The following GPR146 variants were observed in gnomAD, a reference collection of about 807,000 sequenced individuals.
The protein encoded by GPR146 is G protein-coupled receptor 146.
For synonymous variants in GPR146, 203 were observed against 104.3 expected, an observed-to-expected ratio of 1.95 and a Z score of -5.77; for missense variants, 381 against 213.9, an observed-to-expected ratio of 1.78 and a Z score of -4.87.
intron 1 of GPR146, among the ~76,000 whole-genome samples, chr7:1,053,296 A>G (rs1452956892): frequency 1.3e-5 from 2 of 152,230 alleles, no homozygotes; most frequent in African/African-American, 4.8e-5. Flanking sequence ...ACTCGGACGC[A>G]GGTGTGGCGA....
Position 1,057,812 on chromosome 7 carries a change from C to T in GPR146, c.297C>T (p.Gly99=), listed in dbSNP as rs771094513. The stretch of plus-strand genomic sequence containing the variant: ...GGTGGGCGCTGTGGAGTGTGGGCGG[C>T]GAAGTCCACGTGGCACTGCAGATCC... ...SSRWALWSVG[G]EVHVALQIPF... is the part of the protein sequence containing the mutation. Residue 99 remains glycine (G), a synonymous_variant, in exon 2 of 2, where the codon GGC becomes GGT. Coordinates refer to ENST00000444847, the MANE Select transcript of GPR146 (RefSeq NM_001303473.2). 2.7e-5 allele frequency: 21 copies of T among 776,816 alleles called. No individual in the cohort carries two copies. Among genetic ancestry groups the T allele is most frequent in the African/African-American group, 5.1e-5 (3 of 59,148 alleles). The allele number at this position is 776,816 out of a possible 1,614,324, so 48.1% of individuals were successfully genotyped here.
chr7:1,057,209 C>T (rs1257879028), intron 1 of GPR146, among the ~76,000 whole-genome samples: 2 of 152,154 alleles, frequency 1.3e-5, no homozygotes, highest in East Asian at 1.9e-4. Flanking sequence ...CGCAGCAGCC[C>T]GTGAAGAGTG....
chr7:1,057,351 C>T (rs1783917679), intron 1 of GPR146, 141 bp from the exon 2 acceptor site: 2 of 592,336 alleles, frequency 3.4e-6, no homozygotes, highest in Non-Finnish European at 6.0e-6. Context: ...TTCACTTTCA[C>T]AGAAATGCAC....
Position 1,052,426 on chromosome 7 carries a change from G to C in GPR146, c.-24-5066G>C, listed in dbSNP as rs1352688381. 6.6e-6 allele frequency among the ~76,000 whole-genome samples: 1 copy of C among 152,230 alleles called. No individual in the cohort carries two copies. Among genetic ancestry groups the C allele is most frequent in the Non-Finnish European group, 1.5e-5 (1 of 68,038 alleles). On this transcript the variant is annotated intron_variant, in intron 1 of 1. Transcript: ENST00000444847. The surrounding 1 kb of genome is among the most constrained non-coding windows in gnomAD (Gnocchi z 4.2). ...TGGGTGGCAGGTCTTGAGGAGTCGTGGGGGAGGGTTTCGGGGGGAGATGCT... is the reference window on the plus strand; with the variant it reads ...TGGGTGGCAGGTCTTGAGGAGTCGTCGGGGAGGGTTTCGGGGGGAGATGCT...
At position 1,057,804 on chromosome 7, in the gene GPR146, G is replaced by T; in HGVS notation, c.289G>T (p.Val97Leu). The T allele has an allele frequency of 1.3e-6, 1 of 776,210 alleles. No homozygotes were observed. Among genetic ancestry groups the T allele is most frequent in the East Asian group, 2.4e-5 (1 of 41,218 alleles). The allele number at this position is 776,210 out of a possible 1,614,324, so 48.1% of individuals were successfully genotyped here. A position where few individuals can be genotyped will look rare whatever the true frequency, so the allele number is the denominator to read the frequency against. ...PPSSRWALWS[V>L]GGEVHVALQI... ...GAGCTCCCGGTGGGCGCTGTGGAGTGTGGGCGGCGAAGTCCACGTGGCACT... is the reference window on the plus strand; with the variant it reads ...GAGCTCCCGGTGGGCGCTGTGGAGTTTGGGCGGCGAAGTCCACGTGGCACT... The change falls in exon 2 of 2, where the codon GTG becomes TTG. Residue 97 changes from valine to leucine, a missense_variant. By Grantham distance (32) the Val-to-Leu change is conservative. Coordinates refer to ENST00000444847, the MANE Select transcript of GPR146 (RefSeq NM_001303473.2).
intron 1 of GPR146, among the ~76,000 whole-genome samples, chr7:1,051,293 A>G (rs1223931055): frequency 6.6e-6 from 1 of 152,198 alleles, no homozygotes; most frequent in Non-Finnish European, 1.5e-5. Context: ...TCAGCTCTCT[A>G]GGGTGCACCT....
chr7:1,044,639 G>A lies in GPR146; in HGVS notation c.-44G>A, dbSNP rs1583534919. The A allele has an allele frequency of 6.6e-6, 1 of 151,748 alleles. No homozygotes were observed. Among genetic ancestry groups the A allele is most frequent in the African/African-American group, 2.4e-5 (1 of 41,386 alleles). The allele number at this position is 151,748 out of a possible 1,614,324, so 9.4% of individuals were successfully genotyped here. ...CTGCCCGCCCGGCGGCGACTGCGCC[G>A]GCCGCCGCCCAGCAAGCCGGTGAGT... is the stretch of plus-strand genomic sequence containing the variant. On this transcript the variant is annotated 5_prime_UTR_variant, in exon 1 of 2. Transcript: ENST00000444847.
chr7:1,057,918 C>T lies in GPR146; in HGVS notation c.403C>T (p.Arg135Trp), dbSNP rs772707762. 4.4e-5 allele frequency: 34 copies of T among 775,078 alleles called. No individual in the cohort carries two copies. In the East Asian group the frequency reaches 7.5e-4, roughly 17 times the overall value. The allele number at this position is 775,078 out of a possible 1,614,324, so 48.0% of individuals were successfully genotyped here. The change falls in exon 2 of 2, where the codon CGG becomes TGG. Residue 135 changes from arginine to tryptophan, a missense_variant. Transcript: ENST00000444847. ...CCACTACATCGAGCGTGCACTGCCGCGGACCTACATGGCCAGCGTGTACAA... is the reference window on the plus strand; with the variant it reads ...CCACTACATCGAGCGTGCACTGCCGTGGACCTACATGGCCAGCGTGTACAA... ...LDHYIERALPRTYMASVYNTR... is the reference protein window; with the variant it reads ...LDHYIERALPWTYMASVYNTR...
chr7:1,051,070 C>T (rs961751281), intron 1 of GPR146, among the ~76,000 whole-genome samples: 1 of 152,188 alleles, frequency 6.6e-6, no homozygotes, highest in Non-Finnish European at 1.5e-5. Context: ...CAGAGGCCAC[C>T]CCTGCGTCGC....
intron 1 of GPR146, among the ~76,000 whole-genome samples, chr7:1,048,971 C>A (rs10951594): frequency 6.6e-6 from 1 of 152,114 alleles, no homozygotes; most frequent in South Asian, 2.1e-4. Context: ...ATCAAAGCCC[C>A]AACTCAGAAC....
chr7:1,053,317 G>A (rs1320834457), intron 1 of GPR146, among the ~76,000 whole-genome samples: 1 of 152,226 alleles, frequency 6.6e-6, no homozygotes, highest in African/African-American at 2.4e-5. Context: ...CGGCGGGGGA[G>A]GGGCGTCCAC....
chr7:1,058,971 G>A lies in GPR146; in HGVS notation c.*454G>A, dbSNP rs943036490. 1 of 186,922 alleles carries A rather than the reference G, an allele frequency of 5.3e-6. No homozygotes were observed. The highest frequency in any genetic ancestry group is 2.4e-5 in the African/African-American group (1 of 41,800). The allele number at this position is 186,922 out of a possible 1,614,324, so 11.6% of individuals were successfully genotyped here. ...AGAATGGCAACAGCCAGGGTGGCCG[G>A]GCCCTGCCAGTGGGCGGCGTGTGCT... On this transcript the variant is annotated 3_prime_UTR_variant, in exon 2 of 2. Transcript: ENST00000444847.
intron 1 of GPR146, among the ~76,000 whole-genome samples, chr7:1,053,065 G>A (rs1039174265): frequency 1.3e-5 from 2 of 152,226 alleles, no homozygotes; most frequent in Non-Finnish European, 2.9e-5. Flanking sequence ...CAGCGGGCCT[G>A]CCCAGTGGGG....
At chr7:1,049,823 G>A (rs1782925772) in intron 1 of GPR146, among the ~76,000 whole-genome samples, 1 of 152,228 alleles carries the variant, frequency 6.6e-6, no homozygotes, top group Non-Finnish European at 1.5e-5. Context: ...CCACTGTACT[G>A]GGTTCTATGA....
chr7:1,055,574 A>G, intron 1 of GPR146: 2 of 391,936 alleles, frequency 5.1e-6, no homozygotes, highest in Non-Finnish European at 1.0e-5. Flanking sequence ...GACTCTGTGC[A>G]GCACAGGTGG....
Position 1,058,051 on chromosome 7 carries a change from C to G in GPR146, c.536C>G (p.Ala179Gly). ...SHVSTRALEC[A>G]KMQNAEAADA... ...GTGTCCACCCGCGCGCTAGAGTGCG[C>G]CAAGATGCAGAACGCAGAAGCTGCC... is the stretch of plus-strand genomic sequence containing the variant. The change falls in exon 2 of 2, where the codon GCC becomes GGC. Residue 179 changes from alanine (A) to glycine (G), a missense_variant. Ala to Gly is a moderately conservative substitution (Grantham distance 60). Transcript: ENST00000444847. 1.3e-6 allele frequency: 1 copy of G among 768,562 alleles called. No individual in the cohort carries two copies. Among genetic ancestry groups the G allele is most frequent in the Non-Finnish European group, 2.4e-6 (1 of 417,970 alleles). 47.6% of individuals were successfully genotyped at this position (768,562 alleles called of 1,614,324 possible).
At position 1,058,025 on chromosome 7, in the gene GPR146, TGTG is replaced by T. The variant is rs1563059708; in HGVS notation, c.511_513del (p.Val171del). The T allele has an allele frequency of 1.3e-6, 1 of 769,684 alleles. No homozygotes were observed. The highest frequency in any genetic ancestry group is 2.4e-6 in the Non-Finnish European group (1 of 417,992). The allele number at this position is 769,684 out of a possible 1,614,324, so 47.7% of individuals were successfully genotyped here. A position where few individuals can be genotyped will look rare whatever the true frequency, so the allele number is the denominator to read the frequency against. On this transcript the variant is annotated inframe_deletion, in exon 2 of 2. Transcript: ENST00000444847. ...CGCTGCTCTTCTACATCTGCAGCCA[TGTG>T]TCCACCCGCGCGCTAGAGTGCGCCA...
rs768557925 is a variant in GPR146 at position 1,057,841 on chromosome 7, T to G, written c.326T>G (p.Phe109Cys). 5.1e-6 allele frequency: 4 copies of G among 777,528 alleles called. No individual in the cohort carries two copies. Among genetic ancestry groups the G allele is most frequent in the Non-Finnish European group, 9.6e-6 (4 of 418,028 alleles). The allele number at this position is 777,528 out of a possible 1,614,324, so 48.2% of individuals were successfully genotyped here. ...GTCCACGTGGCACTGCAGATCCCCTTCAATGTGTCCTCACTGGTGGCCATG... is the reference window on the plus strand; with the variant it reads ...GTCCACGTGGCACTGCAGATCCCCTGCAATGTGTCCTCACTGGTGGCCATG... ...GEVHVALQIP[F>C]NVSSLVAMYS... Residue 109 changes from phenylalanine (F) to cysteine (C), a missense_variant, in exon 2 of 2, where the codon TTC (phenylalanine) becomes TGC (cysteine). Coordinates refer to ENST00000444847, the MANE Select transcript of GPR146 (RefSeq NM_001303473.2).
chr7:1,053,300 G>A (rs536233790), intron 1 of GPR146, among the ~76,000 whole-genome samples: 1 of 152,388 alleles, frequency 6.6e-6, no homozygotes, highest in African/African-American at 2.4e-5. Flanking sequence ...GGACGCAGGT[G>A]TGGCGACGGC....
Sources: gnomAD v4.1 joint callset for allele counts (sites outside exome capture counted in the v4.1 genomes callset) on GRCh38, gnomAD v4.1.1 for gene constraint, Gnocchi (gnomAD v3.1) non-coding constraint, MANE v1.5 for transcripts, NCBI Gene and HGNC (gene_info 2026-07-23, HGNC 2026-07-21) for gene names.